EXOSC10: variants seen among roughly 807,000 people sequenced by gnomAD.
The protein encoded by EXOSC10 is exosome complex component 10.
Under a neutral mutation model 126.6 loss-of-function variants are expected in EXOSC10, and 94 were observed. The observed-to-expected ratio is 0.74, with a 90% confidence interval of 0.63 to 0.88. The LOEUF (loss-of-function observed/expected upper bound fraction) is 0.88. EXOSC10 is among the 40% of genes least tolerant of loss of function. The pLI, the probability that EXOSC10 is intolerant of heterozygous loss-of-function variation, is 0.00. For synonymous variants in EXOSC10, 395 were observed against 400.8 expected (o/e 0.99, Z 0.17); for missense variants, 1,041 against 1,100.5 (o/e 0.95, Z 0.77).
chr1:11,069,842 G>T, intron 21 of EXOSC10, 112 bp from the exon 22 acceptor site: 1 of 1,143,344 alleles, frequency 8.7e-7, no homozygotes, highest in Non-Finnish European at 1.3e-6. Context: ...AAGAAGAACA[G>T]TCAGTGGTGG....
At chr1:11,076,415 G>T (rs1383130986) in intron 17 of EXOSC10, among the ~76,000 whole-genome samples, 1 of 152,118 alleles carries the variant, frequency 6.6e-6, no homozygotes, top group Non-Finnish European at 1.5e-5. Flanking sequence ...CAGGCAGGAA[G>T]CTATGGGCAG....
rs769030170 is a variant in EXOSC10, at chr1:11,077,657, GA to G, written c.1750-7del. The G allele has an allele frequency of 1.2e-6, 2 of 1,601,164 alleles. No homozygotes were observed. Among genetic ancestry groups the G allele is most frequent in the Non-Finnish European group, 1.7e-6 (2 of 1,171,846 alleles). On this transcript the variant is annotated splice_region_variant and splice_polypyrimidine_tract_variant and intron_variant, in intron 14 of 24. Transcript: ENST00000376936. ...ACTCCGGCTGCAACTTCAGACTAAG[GA>G]AAAAAACGAAGGGAATTGAGGAAAG... is the stretch of plus-strand genomic sequence containing the variant.
intron 22 of EXOSC10, chr1:11,068,912 AT>A: frequency 1.7e-6 from 1 of 594,602 alleles, no homozygotes; most frequent in East Asian, 2.8e-5. Flanking sequence ...AACCAGGCCC[AT>A]TTCTCTCAGC....
At chr1:11,090,805 G>T in intron 5 of EXOSC10, 137 bp from the exon 6 acceptor site, 1 of 816,502 alleles carries the variant, frequency 1.2e-6, no homozygotes, top group Non-Finnish European at 1.9e-6. Context: ...AGGCTGAAGT[G>T]TGGTGGCACA....
In EXOSC10 at chr1:11,077,351, G is replaced by A; in HGVS notation, c.1879+14C>T. On this transcript the variant is annotated intron_variant, in intron 16 of 24. Transcript: ENST00000376936. ...CAACCTCTTCGGGACAGTCAGGAGGGCTCTCGACTTTACCACTGGTTGGGA... is the reference window on the plus strand; with the variant it reads ...CAACCTCTTCGGGACAGTCAGGAGGACTCTCGACTTTACCACTGGTTGGGA... The A allele has an allele frequency of 6.2e-7, 1 of 1,606,022 alleles. No individual in the cohort carries two copies. Among genetic ancestry groups the A allele is most frequent in the Non-Finnish European group, 8.5e-7 (1 of 1,173,914 alleles).
At chr1:11,067,439 A>T (rs1329623406) in intron 24 of EXOSC10, among the ~76,000 whole-genome samples, 1 of 20,442 alleles carries the variant, frequency 4.9e-5, no homozygotes, top group Admixed American at 1.4e-3. Flanking sequence ...CTCAAAGAAG[A>T]AAAAAAAAAA....
At chr1:11,073,482 A>C (rs1639630016) in intron 19 of EXOSC10, among the ~76,000 whole-genome samples, 1 of 152,212 alleles carries the variant, frequency 6.6e-6, no homozygotes. Context: ...CCCTAGAAAC[A>C]ATGCTAGAAA....
At chr1:11,097,883 T>G in intron 2 of EXOSC10, 137 bp downstream of exon 2, 1 of 852,192 alleles carries the variant, frequency 1.2e-6, no homozygotes, top group Admixed American at 4.1e-5. Context: ...TCAAAATCCA[T>G]TGCTTCAATT....
chr1:11,067,442 A>G (rs1639167939), intron 24 of EXOSC10, among the ~76,000 whole-genome samples: 1 of 150,682 alleles, frequency 6.6e-6, no homozygotes, highest in African/African-American at 2.4e-5. Context: ...AAAGAAGAAA[A>G]AAAAAAAAAA....
intron 24 of EXOSC10, among the ~76,000 whole-genome samples, chr1:11,067,349 G>A (rs1338192640): frequency 2.6e-5 from 4 of 151,752 alleles, no homozygotes; most frequent in East Asian, 1.9e-4. Context: ...GGAGAATGGC[G>A]TGAACCCGGG....
intron 9 of EXOSC10, among the ~76,000 whole-genome samples, chr1:11,085,988 A>G (rs1408441019): frequency 6.6e-6 from 1 of 151,698 alleles, no homozygotes; most frequent in African/African-American, 2.4e-5. Flanking sequence ...ATCATGGTGG[A>G]TAAGCTTTTT....
At chr1:11,099,623 C>G in intron 1 of EXOSC10, 98 bp downstream of exon 1, 1 of 1,343,378 alleles carries the variant, frequency 7.4e-7, no homozygotes, top group Non-Finnish European at 9.9e-7. Context: ...CTCGCTCGGG[C>G]TCCACTACGG....
chr1:11,075,389 G>A (rs1341248576), intron 17 of EXOSC10, among the ~76,000 whole-genome samples: 1 of 152,144 alleles, frequency 6.6e-6, no homozygotes, highest in African/African-American at 2.4e-5. Context: ...TTCCAACTGG[G>A]TTCATAAATA....
intron 23 of EXOSC10, 25 bp downstream of exon 23, chr1:11,068,620 A>G: frequency 6.2e-7 from 1 of 1,606,132 alleles, no homozygotes; most frequent in Non-Finnish European, 8.5e-7. Context: ...CCAGCGTGCT[A>G]AAATCCTCCA....
intron 17 of EXOSC10, among the ~76,000 whole-genome samples, chr1:11,075,265 C>T (rs1444991784): frequency 1.3e-5 from 2 of 152,088 alleles, no homozygotes; most frequent in African/African-American, 2.4e-5. Context: ...GTGATATGCC[C>T]GCCTTGCCCT....
chr1:11,092,642 C>T (rs561375725), intron 3 of EXOSC10, among the ~76,000 whole-genome samples: 4 of 151,918 alleles, frequency 2.6e-5, no homozygotes, highest in Middle Eastern at 3.4e-3. Context: ...CTCAGCCTCC[C>T]GAGTATCTGG....
chr1:11,077,260 G>T, intron 16 of EXOSC10, 105 bp downstream of exon 16: 1 of 1,165,264 alleles, frequency 8.6e-7, no homozygotes, highest in Non-Finnish European at 1.2e-6. Context: ...CAATATGCTG[G>T]CATTACAGGC....
chr1:11,095,909 T>G, intron 2 of EXOSC10, 28 bp from the exon 3 acceptor site: 2 of 1,605,220 alleles, frequency 1.2e-6, no homozygotes, highest in Non-Finnish European at 1.7e-6. Flanking sequence ...AAGGTTAGCT[T>G]GTAGATTTTT....
chr1:11,069,820 T>C lies in EXOSC10; in HGVS notation c.2317-90A>G, dbSNP rs892958157. On this transcript the variant is annotated intron_variant, in intron 21 of 24. Transcript: ENST00000376936. ...GCCTCAGCAATAGCTGGGACCCAGCTGCCTAAGTGGTAAGAAGAACAGTCA... is the reference window on the plus strand; with the variant it reads ...GCCTCAGCAATAGCTGGGACCCAGCCGCCTAAGTGGTAAGAAGAACAGTCA... 2.4e-5 allele frequency: 34 copies of C among 1,401,554 alleles called. No individual in the cohort carries two copies. In the East Asian group the frequency reaches 7.5e-4, roughly 31 times the overall value. 86.8% of individuals were successfully genotyped at this position (1,401,554 alleles called of 1,614,324 possible). A position where few individuals can be genotyped will look rare whatever the true frequency, so the allele number is the denominator to read the frequency against.
Sources: gnomAD v4.1 joint callset for allele counts (sites outside exome capture counted in the v4.1 genomes callset) on GRCh38, gnomAD v4.1.1 for gene constraint, MANE v1.5 for transcripts, NCBI Gene and HGNC (gene_info 2026-07-23, HGNC 2026-07-21) for gene names.